PRKG1: variants seen among roughly 807,000 people sequenced by gnomAD.
PRKG1 encodes cGMP-dependent protein kinase 1.
In PRKG1, 35 loss-of-function variants were observed where a neutral mutation model predicts 88.1. That is an observed-to-expected ratio of 0.40 (90% CI 0.30 to 0.53). The LOEUF (loss-of-function observed/expected upper bound fraction) is 0.53, where lower values mean the gene tolerates loss of function less well. Among genes scored for constraint, PRKG1 ranks in the 20% least tolerant of loss-of-function variants. The probability of loss-of-function intolerance (pLI) is 0.59; values close to 1 mark genes in which losing one functional copy is unlikely to be tolerated. For synonymous variants in PRKG1, 303 were observed against 292.5 expected (o/e 1.04, Z -0.37); for missense variants, 540 against 839.8 (o/e 0.64, Z 4.41).
intron 3 of PRKG1, among the ~76,000 whole-genome samples, chr10:51,496,188 G>A (rs151196909): frequency 7.9e-4 from 121 of 152,272 alleles, no homozygotes; most frequent in African/African-American, 2.8e-3. Flanking sequence ...TCTATGTAAA[G>A]TTATTCTGTA....
At chr10:52,232,029 A>G (rs899297862) in intron 9 of PRKG1, among the ~76,000 whole-genome samples, 17 of 152,156 alleles carry the variant, frequency 1.1e-4, no homozygotes, top group African/African-American at 4.1e-4. Context: ...CTTTAGCAAG[A>G]AAGACCTGTA....
intron 10 of PRKG1, among the ~76,000 whole-genome samples, chr10:52,255,236 A>G (rs1841280071): frequency 1.3e-5 from 2 of 152,106 alleles, no homozygotes; most frequent in Admixed American, 1.3e-4. Context: ...TTTACAAAGT[A>G]TAACTGTAAA....
chr10:51,372,754 A>C (rs1256383550), intron 2 of PRKG1, among the ~76,000 whole-genome samples: 2 of 152,196 alleles, frequency 1.3e-5, no homozygotes, highest in Non-Finnish European at 2.9e-5. Context: ...ATATAATTTT[A>C]TCAAATACTC....
chr10:52,214,603 T>A (rs1403504179), intron 9 of PRKG1, among the ~76,000 whole-genome samples: 4 of 152,162 alleles, frequency 2.6e-5, no homozygotes, highest in Admixed American at 1.3e-4. Flanking sequence ...TCTAAAGAAA[T>A]AGTAGCTATG....
chr10:51,578,795 C>T (rs1837952465), intron 3 of PRKG1, among the ~76,000 whole-genome samples: 1 of 151,954 alleles, frequency 6.6e-6, no homozygotes, highest in Non-Finnish European at 1.5e-5. Context: ...ACATTAATTA[C>T]AGTGATTTTC....
intron 9 of PRKG1, among the ~76,000 whole-genome samples, chr10:52,222,789 G>GT (rs1336356599): frequency 2.6e-5 from 4 of 152,180 alleles, no homozygotes; most frequent in African/African-American, 2.4e-5. Context: ...TAAAACAGCT[G>GT]TTTGTGTTTG....
intron 2 of PRKG1, among the ~76,000 whole-genome samples, chr10:51,452,875 C>G (rs758116507): frequency 2.6e-5 from 4 of 151,978 alleles, no homozygotes; most frequent in Non-Finnish European, 5.9e-5. Context: ...TGTACCAATT[C>G]ATCTTTGAAT....
chr10:52,258,962 C>T (rs1841369431), intron 10 of PRKG1, among the ~76,000 whole-genome samples: 1 of 151,858 alleles, frequency 6.6e-6, no homozygotes, highest in Non-Finnish European at 1.5e-5. Flanking sequence ...AAAGGCCATT[C>T]CAGGCAAGGG....
At chr10:51,273,867 G>A (rs1321002903) in intron 2 of PRKG1, among the ~76,000 whole-genome samples, 4 of 152,182 alleles carry the variant, frequency 2.6e-5, no homozygotes, top group Admixed American at 6.5e-5. Flanking sequence ...CCGGATCTCA[G>A]GATATAAGCA....
intron 1 of PRKG1, among the ~76,000 whole-genome samples, chr10:51,104,734 ATTT>A (rs1391492136): frequency 2.8e-5 from 4 of 145,070 alleles, no homozygotes; most frequent in Non-Finnish European, 6.0e-5. Context: ...TTATTTATTT[ATTT>A]ATTTATTTTG....
At chr10:51,999,530 C>T (rs371426518) in intron 5 of PRKG1, among the ~76,000 whole-genome samples, 3 of 152,060 alleles carry the variant, frequency 2.0e-5, no homozygotes, top group Non-Finnish European at 2.9e-5. Context: ...TACCTATCTC[C>T]GTATCTTTAT....
chr10:51,100,523 T>C (rs1311774113), intron 1 of PRKG1, among the ~76,000 whole-genome samples: 1 of 152,216 alleles, frequency 6.6e-6, no homozygotes, highest in East Asian at 1.9e-4. Flanking sequence ...AAATATCTCC[T>C]TGGTTGATAG....
chr10:51,202,625 A>G (rs1409121686), intron 2 of PRKG1, among the ~76,000 whole-genome samples: 1 of 152,366 alleles, frequency 6.6e-6, no homozygotes, highest in East Asian at 1.9e-4. Flanking sequence ...CAACTAGAAT[A>G]TAGAGTGAGT....
chr10:51,734,873 GA>G (rs1178997672), intron 3 of PRKG1, among the ~76,000 whole-genome samples: 2 of 129,576 alleles, frequency 1.5e-5, no homozygotes. Context: ...AGCAGCCATG[GA>G]AACATATAGG....
At chr10:51,901,012 A>T (rs1265539372) in intron 4 of PRKG1, among the ~76,000 whole-genome samples, 1 of 152,152 alleles carries the variant, frequency 6.6e-6, no homozygotes, top group African/African-American at 2.4e-5. Flanking sequence ...CTGGCATGTT[A>T]TTTATCTTTT....
chr10:51,790,826 TC>T (rs1366418557), intron 3 of PRKG1, among the ~76,000 whole-genome samples: 2 of 152,182 alleles, frequency 1.3e-5, no homozygotes, highest in African/African-American at 4.8e-5. Flanking sequence ...TCTGCATTGA[TC>T]CTTTTGCTTC....
At chr10:52,143,250 G>T (rs755813158) in intron 8 of PRKG1, among the ~76,000 whole-genome samples, 73 of 152,114 alleles carry the variant, frequency 4.8e-4, no homozygotes, top group Admixed American at 1.1e-3. Flanking sequence ...CTGAGGCTGA[G>T]AGTTACACCT....
intron 1 of PRKG1, among the ~76,000 whole-genome samples, chr10:51,010,243 A>C (rs1842978080): frequency 6.6e-6 from 1 of 152,264 alleles, no homozygotes; most frequent in Non-Finnish European, 1.5e-5. Flanking sequence ...CTCTACATTA[A>C]GCATCTTTGC....
chr10:52,119,013 A>T (rs111846113), intron 7 of PRKG1, among the ~76,000 whole-genome samples: 3 of 152,150 alleles, frequency 2.0e-5, no homozygotes, highest in African/African-American at 7.2e-5. Context: ...TATTGTGAGA[A>T]TCTATTATTT....
Sources: allele counts gnomAD v4.1 joint callset (sites outside exome capture counted in the v4.1 genomes callset), GRCh38; gene constraint gnomAD v4.1.1; transcripts MANE v1.5; gene names NCBI Gene and HGNC (gene_info 2026-07-23, HGNC 2026-07-21).